The following ENPP3 variants were observed in gnomAD, a reference collection of about 807,000 sequenced individuals.
ENPP3 encodes the protein ectonucleotide pyrophosphatase/phosphodiesterase 3.
In ENPP3, 104 loss-of-function variants were observed where a neutral mutation model predicts 117.8. That is an observed-to-expected ratio of 0.88 (90% CI 0.75 to 1.04). ENPP3 has a LOEUF of 1.04. ENPP3 is among the 50% of genes least tolerant of loss of function. The pLI is 0.00. For synonymous variants in ENPP3, 380 were observed against 349.9 expected (o/e 1.09, Z -0.96); for missense variants, 1,026 against 1,051.9 (o/e 0.98, Z 0.34).
chr6:131,657,107 T>C (rs949661061), intron 5 of ENPP3, among the ~76,000 whole-genome samples: 1 of 152,224 alleles, frequency 6.6e-6, no homozygotes, highest in Non-Finnish European at 1.5e-5. Context: ...GTAGGCCACT[T>C]TAATTTCTTC....
intron 6 of ENPP3, among the ~76,000 whole-genome samples, chr6:131,668,346 C>A (rs1778666309): frequency 6.6e-6 from 1 of 150,428 alleles, no homozygotes. Flanking sequence ...CCCTGAGGAT[C>A]TGGGATTACA....
At chr6:131,658,290 A>C (rs1778427296) in intron 5 of ENPP3, 33 bp from the exon 6 acceptor site, 1 of 1,235,442 alleles carries the variant, frequency 8.1e-7, no homozygotes, top group Non-Finnish European at 1.2e-6. Flanking sequence ...TAGCTATCCA[A>C]AACAATGGAC....
In ENPP3 at chr6:131,746,869, G is replaced by C; in HGVS notation, c.2541G>C (p.Gly847=). The change falls in exon 25 of 25, where the codon GGG becomes GGC. Residue 847 remains glycine (G), a synonymous_variant. Transcript: ENST00000357639. ...TCCGTGATGTAGAACTTCTCACTGG[G>C]CTTGACTTCTATCAGGATAAAGTGC... is the stretch of plus-strand genomic sequence containing the variant. ...ARVRDVELLT[G]LDFYQDKVQP... The C allele has an allele frequency of 6.2e-7, 1 of 1,613,146 alleles. No individual in the cohort carries two copies. The highest frequency in any genetic ancestry group is 8.5e-7 in the Non-Finnish European group (1 of 1,179,508).
rs368658902 is a variant in ENPP3, at chr6:131,650,002, G to A, written c.155-25G>A. ...GATATTGAATAGCTCCTAAATGTTC[G>A]GGCCCTATTTCCTTTACTTTGTAGG... is the stretch of plus-strand genomic sequence containing the variant. On this transcript the variant is annotated intron_variant, in intron 2 of 24. Coordinates refer to ENST00000357639, the MANE Select transcript of ENPP3 (RefSeq NM_005021.5). 2.1e-5 allele frequency: 34 copies of A among 1,613,104 alleles called. No homozygotes were observed. The African/African-American group carries it at 2.3e-4, about 11-fold the overall frequency.
chr6:131,666,030 A>T (rs1778609431), intron 6 of ENPP3, among the ~76,000 whole-genome samples: 1 of 152,050 alleles, frequency 6.6e-6, no homozygotes, highest in Non-Finnish European at 1.5e-5. Context: ...TCCCTGTAAT[A>T]TAGATTTCTA....
At chr6:131,676,699 T>C (rs1169815762) in intron 9 of ENPP3, 37 bp from the exon 10 acceptor site, 1 of 1,324,784 alleles carries the variant, frequency 7.5e-7, no homozygotes, top group South Asian at 1.2e-5. Context: ...CTTGATTTGA[T>C]TCATTTTAAA....
At chr6:131,639,657 A>G (rs1288455035) in intron 1 of ENPP3, among the ~76,000 whole-genome samples, 2 of 151,958 alleles carry the variant, frequency 1.3e-5, no homozygotes. Flanking sequence ...TGTTTCTAGC[A>G]CTCTTTGTTT....
intron 6 of ENPP3, among the ~76,000 whole-genome samples, chr6:131,659,491 T>G (rs1308476191): frequency 1.3e-5 from 2 of 152,182 alleles, no homozygotes; most frequent in Admixed American, 6.5e-5. Context: ...TTATTGTTTT[T>G]CTTTTTCTTC....
intron 14 of ENPP3, among the ~76,000 whole-genome samples, chr6:131,690,319 A>G (rs1779250548): frequency 6.6e-6 from 1 of 152,150 alleles, no homozygotes; most frequent in African/African-American, 2.4e-5. Context: ...CATTTTAAGA[A>G]ATTACCACAG....
At chr6:131,679,064 T>TC (rs1491417468) in intron 11 of ENPP3, among the ~76,000 whole-genome samples, 1 of 134,494 alleles carries the variant, frequency 7.4e-6, no homozygotes, top group Non-Finnish European at 1.5e-5. Flanking sequence ...TTTCTTTCTT[T>TC]CTTTCTTTCT....
intron 21 of ENPP3, among the ~76,000 whole-genome samples, chr6:131,737,122 T>C (rs1163623940): frequency 1.3e-5 from 2 of 152,234 alleles, no homozygotes; most frequent in Admixed American, 1.3e-4. Context: ...TAAGTTTATA[T>C]TCACAGGGAT....
intron 5 of ENPP3, among the ~76,000 whole-genome samples, chr6:131,656,427 T>C (rs1452395128): frequency 6.6e-6 from 1 of 152,238 alleles, no homozygotes; most frequent in Non-Finnish European, 1.5e-5. Flanking sequence ...TATAAGTTAA[T>C]ATCTACTGTT....
intron 20 of ENPP3, among the ~76,000 whole-genome samples, chr6:131,726,794 T>A (rs7738667): frequency 0.26 from 39,085 of 152,070 alleles, 8,332 homozygotes; most frequent in African/African-American, 0.57. Context: ...CTGTCTGGCA[T>A]ATTCTCTTGC....
At chr6:131,645,220 C>G (rs534096421) in intron 2 of ENPP3, among the ~76,000 whole-genome samples, 1 of 152,298 alleles carries the variant, frequency 6.6e-6, no homozygotes, top group South Asian at 2.1e-4. Flanking sequence ...TGCCATAGAT[C>G]AAGGAATGAA....
At chr6:131,642,970 G>A (rs749835254) in intron 2 of ENPP3, 4 of 152,068 alleles carry the variant, frequency 2.6e-5, no homozygotes, top group Non-Finnish European at 5.9e-5. Context: ...CAAAGCTCTG[G>A]CCCCATTTTT....
At chr6:131,652,919 A>G (rs1778296177) in intron 5 of ENPP3, 28 bp downstream of exon 5, 1 of 1,509,472 alleles carries the variant, frequency 6.6e-7, no homozygotes. Context: ...AGGGATTTTT[A>G]TCCTCCTTTA....
chr6:131,690,379 C>T (rs1056086521), intron 14 of ENPP3, among the ~76,000 whole-genome samples: 6 of 152,198 alleles, frequency 3.9e-5, no homozygotes, highest in African/African-American at 1.4e-4. Context: ...CAGCCATCAA[C>T]ATTGAAGCAA....
intron 10 of ENPP3, among the ~76,000 whole-genome samples, chr6:131,677,247 G>T (rs936732601): frequency 6.6e-6 from 1 of 152,058 alleles, no homozygotes; most frequent in Non-Finnish European, 1.5e-5. Flanking sequence ...AATAAAAAAA[G>T]AAATTATTCC....
intron 6 of ENPP3, among the ~76,000 whole-genome samples, chr6:131,663,154 C>G (rs62423382): frequency 6.9e-6 from 1 of 144,486 alleles, no homozygotes; most frequent in Non-Finnish European, 1.5e-5. Context: ...TATGTGGTTG[C>G]CTTTTTTTTT....
Sources: gnomAD v4.1 joint callset for allele counts (sites outside exome capture counted in the v4.1 genomes callset) on GRCh38, gnomAD v4.1.1 for gene constraint, MANE v1.5 for transcripts, NCBI Gene and HGNC (gene_info 2026-07-23, HGNC 2026-07-21) for gene names.